Variants in NPSR1 observed in about 807,000 individuals in gnomAD.
NPSR1 encodes the protein neuropeptide S receptor 1, also known as neuropeptide S receptor.
A neutral mutation model predicts 46.9 loss-of-function variants in NPSR1; 48 were observed. The ratio of observed to expected loss-of-function variants is 1.02; its 90% confidence interval spans 0.81 to 1.30. The LOEUF is 1.30. Among genes scored for constraint, NPSR1 ranks in the 50% most tolerant of loss-of-function variants. The pLI is 0.00. For synonymous variants in NPSR1, 176 were observed against 168.1 expected (o/e 1.05, Z -0.36); for missense variants, 450 against 449.5 (o/e 1.00, Z -0.01).
At chr7:34,710,725 A>T in intron 2 of NPSR1, 1 of 344,542 alleles carries the variant, frequency 2.9e-6, no homozygotes, top group Non-Finnish European at 5.5e-6. Context: ...ATTCTCAATT[A>T]TTCTGCCTAT....
intron 3 of NPSR1, among the ~76,000 whole-genome samples, chr7:34,799,246 TTTTG>T (rs768588678): frequency 2.2e-4 from 33 of 152,090 alleles, no homozygotes; most frequent in Non-Finnish European, 4.0e-4. Context: ...ACGTATATTA[TTTTG>T]TTTTTCAATT....
chr7:34,822,199 G>A (rs1789591198), intron 4 of NPSR1, among the ~76,000 whole-genome samples: 1 of 152,182 alleles, frequency 6.6e-6, no homozygotes, highest in Non-Finnish European at 1.5e-5. Flanking sequence ...AGCCCAACGC[G>A]GGAGTCATTT....
At chr7:34,776,584 A>C (rs1334463336) in intron 2 of NPSR1, among the ~76,000 whole-genome samples, 2 of 152,048 alleles carry the variant, frequency 1.3e-5, no homozygotes, top group Non-Finnish European at 2.9e-5. Context: ...TTCCGCCTAC[A>C]TATGCCTTAT....
Position 34,849,636 on chromosome 7 carries a change from C to G in NPSR1, c.1097C>G (p.Ser366Cys), listed in dbSNP as rs530628552. ...RTERHEMQIL[S>C]KPEFI is the part of the protein sequence containing the mutation. ...GAGAGGCATGAGATGCAGATTCTGT[C>G]CAAGCCAGAATTCATCTAGACCCTA... is the stretch of plus-strand genomic sequence containing the variant. The change falls in exon 9 of 9, where the codon TCC becomes TGC. Residue 366 changes from serine (S) to cysteine (C), a missense_variant. By Grantham distance (112) the Ser-to-Cys change is moderately radical (BLOSUM62 -1). Transcript: ENST00000360581. The G allele has an allele frequency of 2.5e-6, 4 of 1,614,074 alleles. No homozygotes were observed. The African/African-American group carries it at 5.3e-5, about 22-fold the overall frequency.
At chr7:34,770,867 C>T (rs1786650119) in intron 2 of NPSR1, among the ~76,000 whole-genome samples, 1 of 152,148 alleles carries the variant, frequency 6.6e-6, no homozygotes, top group Non-Finnish European at 1.5e-5. Context: ...TCATTCTCTT[C>T]CAAGATGGTG....
chr7:34,864,817 C>T lies in NPSR1; in HGVS notation c.1026-13259C>T, dbSNP rs1562778193. On this transcript the variant is annotated intron_variant, in intron 8 of 8. Coordinates refer to the NPSR1 transcript ENST00000359791. ...TTGTGCCTACAGGCAAGAAAGCCTGCTAACAATGAACTCTGGAACTGGTCT... is the reference window on the plus strand; with the variant it reads ...TTGTGCCTACAGGCAAGAAAGCCTGTTAACAATGAACTCTGGAACTGGTCT... 4.6e-5 allele frequency among the ~76,000 whole-genome samples: 7 copies of T among 151,888 alleles called. 1 individual carries two copies. The highest frequency in any genetic ancestry group is 1.2e-4 in the African/African-American group (5 of 41,138).
At chr7:34,826,764 G>A (rs770799899) in intron 4 of NPSR1, among the ~76,000 whole-genome samples, 11 of 151,978 alleles carry the variant, frequency 7.2e-5, no homozygotes, top group Non-Finnish European at 1.0e-4. Flanking sequence ...TCAGAATATT[G>A]CAACTAAAGT....
intron 2 of NPSR1, among the ~76,000 whole-genome samples, chr7:34,707,992 T>A (rs1057486308): frequency 6.6e-6 from 1 of 152,232 alleles, no homozygotes; most frequent in Non-Finnish European, 1.5e-5. Context: ...TCCATGTCTG[T>A]ATCCTAATCT....
At chr7:34,834,256 G>A in intron 5 of NPSR1, 128 bp from the exon 6 acceptor site, 2 of 709,474 alleles carry the variant, frequency 2.8e-6, no homozygotes, top group South Asian at 1.7e-5. Flanking sequence ...CAAGTATAAG[G>A]GGGCAGGCAT....
intron 1 of NPSR1, among the ~76,000 whole-genome samples, chr7:34,675,793 C>A (rs1181293155): frequency 6.6e-6 from 1 of 152,232 alleles, no homozygotes; most frequent in Admixed American, 6.5e-5. Flanking sequence ...TGTAGCCTGA[C>A]TAACTTGAGG....
intron 1 of NPSR1, among the ~76,000 whole-genome samples, chr7:34,663,912 G>A (rs12673132): frequency 0.045 from 6,853 of 152,320 alleles, 288 homozygotes; most frequent in East Asian, 0.22. Flanking sequence ...GATAAAGAGT[G>A]CAGTCTGAGG....
chr7:34,875,286 C>A (rs1030965556), intron 8 of NPSR1, among the ~76,000 whole-genome samples: 5 of 152,182 alleles, frequency 3.3e-5, no homozygotes, highest in African/African-American at 1.2e-4. Context: ...CAACATTGGT[C>A]TTTCTTGGAA....
intron 6 of NPSR1, among the ~76,000 whole-genome samples, chr7:34,841,672 G>C (rs1043596943): frequency 6.6e-6 from 1 of 152,188 alleles, no homozygotes; most frequent in Non-Finnish European, 1.5e-5. Context: ...TTCCTGGAAT[G>C]GTCAGATTAA....
At chr7:34,744,499 C>A (rs895351398) in intron 2 of NPSR1, among the ~76,000 whole-genome samples, 1 of 152,158 alleles carries the variant, frequency 6.6e-6, no homozygotes, top group South Asian at 2.1e-4. Context: ...GACTTTCTGG[C>A]ACCTAGCAGG....
At chr7:34,719,620 TA>T (rs1189326022) in intron 2 of NPSR1, 2 of 152,236 alleles carry the variant, frequency 1.3e-5, no homozygotes, top group Non-Finnish European at 2.9e-5. Flanking sequence ...CCTTACTAAA[TA>T]AATATGTATT....
At chr7:34,684,415 ATTGT>A in intron 1 of NPSR1, 133 bp from the exon 2 acceptor site, 4 of 764,272 alleles carry the variant, frequency 5.2e-6, no homozygotes, top group Non-Finnish European at 8.6e-6. Flanking sequence ...CCATTTTGTC[ATTGT>A]TTTCTTGAGA....
At chr7:34,723,516 CATAAATAAATAAATAA>C (rs34955612) in intron 2 of NPSR1, 37 of 145,940 alleles carry the variant, frequency 2.5e-4, no homozygotes, top group African/African-American at 4.8e-4. Flanking sequence ...TTCTAAATAG[CATAAATAAATAAATAA>C]ATAAATAAAT....
chr7:34,750,682 G>A (rs1325524174), intron 2 of NPSR1: 5 of 702,504 alleles, frequency 7.1e-6, no homozygotes, highest in Non-Finnish European at 1.3e-5. Context: ...AACTGAAGAT[G>A]GACTCATCTG....
At chr7:34,712,606 C>T (rs937994018) in intron 2 of NPSR1, among the ~76,000 whole-genome samples, 1 of 152,180 alleles carries the variant, frequency 6.6e-6, no homozygotes, top group East Asian at 1.9e-4. Flanking sequence ...AATCTTCCAA[C>T]AACCAGGAGC....
Sources: allele counts gnomAD v4.1 joint callset (sites outside exome capture counted in the v4.1 genomes callset), GRCh38; gene constraint gnomAD v4.1.1; transcripts MANE v1.5; gene names NCBI Gene and HGNC (gene_info 2026-07-23, HGNC 2026-07-21).